FAM171A1: variants seen among roughly 807,000 people sequenced by gnomAD.
FAM171A1 encodes protein FAM171A1.
A neutral mutation model predicts 74.9 loss-of-function variants in FAM171A1; 23 were observed. That is an observed-to-expected ratio of 0.31 (90% CI 0.22 to 0.44). FAM171A1 has a LOEUF of 0.44. Ranked by LOEUF, FAM171A1 falls within the 20% of genes least tolerant of loss-of-function variation. The pLI, the probability that FAM171A1 is intolerant of heterozygous loss-of-function variation, is 1.00. For synonymous variants in FAM171A1, 527 were observed against 505.7 expected (o/e 1.04, Z -0.57); for missense variants, 1,162 against 1,159.2 (o/e 1.00, Z -0.03).
At chr10:15,244,447 A>G (rs1466179324) in intron 5 of FAM171A1, among the ~76,000 whole-genome samples, 2 of 152,208 alleles carry the variant, frequency 1.3e-5, no homozygotes, top group Non-Finnish European at 2.9e-5. Context: ...TCAGCTCTTG[A>G]GATAGAGACT....
chr10:15,301,362 ATTT>A (rs71390027), intron 1 of FAM171A1, among the ~76,000 whole-genome samples: 228 of 141,560 alleles, frequency 1.6e-3, no homozygotes, highest in African/African-American at 5.2e-3. Flanking sequence ...ATATATATAT[ATTT>A]TTTTTTTTTG....
intron 3 of FAM171A1, among the ~76,000 whole-genome samples, chr10:15,264,517 A>G (rs1230833784): frequency 1.3e-5 from 2 of 152,298 alleles, no homozygotes; most frequent in Middle Eastern, 3.4e-3. Flanking sequence ...TAGACAATAC[A>G]AATACATCGG....
In FAM171A1 at chr10:15,218,426, C is replaced by T. The variant is rs77471491; in HGVS notation, c.872-2316G>A. ...CCAGTACGATTCTTTATAAAATTCACAGCTATACTTCACTTCAAGGAGTTA... is the reference window on the plus strand; with the variant it reads ...CCAGTACGATTCTTTATAAAATTCATAGCTATACTTCACTTCAAGGAGTTA... On this transcript the variant is annotated intron_variant, in intron 6 of 7. Coordinates refer to ENST00000378116, the MANE Select transcript of FAM171A1 (RefSeq NM_001010924.2). Among the ~76,000 whole-genome samples the T allele has an allele frequency of 4.6e-5, 7 of 152,266 alleles. 1 individual carries two copies. The East Asian group carries it at 1.3e-3, about 29-fold the overall frequency.
chr10:15,332,157 T>C (rs919264237), intron 1 of FAM171A1, among the ~76,000 whole-genome samples: 1 of 151,802 alleles, frequency 6.6e-6, no homozygotes, highest in Non-Finnish European at 1.5e-5. Flanking sequence ...TTTTGCAACA[T>C]GTTGCCCAGG....
chr10:15,243,805 A>G (rs1021683665), intron 5 of FAM171A1, among the ~76,000 whole-genome samples: 1 of 15,406 alleles, frequency 6.5e-5, no homozygotes, highest in African/African-American at 1.7e-4. Context: ...CAATGTATAC[A>G]TTGACTGAGC....
intron 1 of FAM171A1, among the ~76,000 whole-genome samples, chr10:15,352,612 T>C (rs1353141140): frequency 1.3e-5 from 2 of 152,192 alleles, no homozygotes; most frequent in African/African-American, 4.8e-5. Context: ...AAGTTTTAAA[T>C]AAAGGCAAAT....
At chr10:15,333,413 T>C (rs564875484) in intron 1 of FAM171A1, among the ~76,000 whole-genome samples, 3 of 152,236 alleles carry the variant, frequency 2.0e-5, no homozygotes, top group South Asian at 2.1e-4. Flanking sequence ...GACAGGAGAA[T>C]TGCCTGAACC....
At chr10:15,275,762 T>C in intron 3 of FAM171A1, 93 bp downstream of exon 3, 1 of 800,210 alleles carries the variant, frequency 1.2e-6, no homozygotes, top group Non-Finnish European at 1.9e-6. Flanking sequence ...CCACCTTGTA[T>C]ACAAACATCA....
rs77857897 is a variant in FAM171A1, at chr10:15,366,357, C to T, written c.97+4599G>A. On this transcript the variant is annotated intron_variant, in intron 1 of 7. Transcript: ENST00000378116. ...CTGGTCTTGAACTTCTGACCTCAAG[C>T]GATCCACCCACCTCAGCTTCCCAAA... is the stretch of plus-strand genomic sequence containing the variant. Among the ~76,000 whole-genome samples the T allele has an allele frequency of 5.7e-3, 866 of 152,260 alleles. 37 individuals are homozygous for T. In the East Asian group the frequency reaches 0.099, roughly 17 times the overall value.
chr10:15,242,420 T>C (rs967033012), intron 5 of FAM171A1, among the ~76,000 whole-genome samples: 1 of 152,250 alleles, frequency 6.6e-6, no homozygotes, highest in African/African-American at 2.4e-5. Context: ...ACGTTGGCTT[T>C]TTTCTGCATA....
At chr10:15,282,575 GAAC>G (rs1332529503) in intron 2 of FAM171A1, among the ~76,000 whole-genome samples, 2 of 152,154 alleles carry the variant, frequency 1.3e-5, no homozygotes, top group Non-Finnish European at 2.9e-5. Flanking sequence ...TAACTACTGT[GAAC>G]AACGACAATT....
At chr10:15,342,618 G>T (rs1425217108) in intron 1 of FAM171A1, among the ~76,000 whole-genome samples, 1 of 152,110 alleles carries the variant, frequency 6.6e-6, no homozygotes, top group Non-Finnish European at 1.5e-5. Flanking sequence ...GCTGCAACAG[G>T]CTTCTGTCAG....
intron 1 of FAM171A1, among the ~76,000 whole-genome samples, chr10:15,327,905 C>A (rs1835575520): frequency 6.7e-6 from 1 of 148,946 alleles, no homozygotes; most frequent in African/African-American, 2.5e-5. Flanking sequence ...TATCACAAAC[C>A]TGTACATGTA....
At chr10:15,373,658 G>A (rs898693527), upstream of FAM171A1, among the ~76,000 whole-genome samples, 1 of 152,158 alleles carries the variant, frequency 6.6e-6, no homozygotes, top group African/African-American at 2.4e-5. Flanking sequence ...GAAGCTGGGA[G>A]AAGGATAGAT....
chr10:15,373,904 A>T (rs1836176320), upstream of FAM171A1, among the ~76,000 whole-genome samples: 1 of 152,146 alleles, frequency 6.6e-6, no homozygotes, highest in African/African-American at 2.4e-5. Flanking sequence ...AGCTTGTCCA[A>T]CCTGCCTTAT....
At chr10:15,295,581 CCTTTT>C (rs1389617128) in intron 1 of FAM171A1, among the ~76,000 whole-genome samples, 1 of 152,082 alleles carries the variant, frequency 6.6e-6, no homozygotes, top group African/African-American at 2.4e-5. Flanking sequence ...CTTTTCATTC[CCTTTT>C]CTATTTCCTC....
intron 1 of FAM171A1, among the ~76,000 whole-genome samples, chr10:15,336,015 A>G (rs1835695427): frequency 6.6e-6 from 1 of 152,190 alleles, no homozygotes; most frequent in Non-Finnish European, 1.5e-5. Flanking sequence ...TTTTAACCCA[A>G]TAATCAGGAA....
chr10:15,294,875 T>C (rs920012313), intron 1 of FAM171A1, among the ~76,000 whole-genome samples: 1 of 152,152 alleles, frequency 6.6e-6, no homozygotes, highest in Non-Finnish European at 1.5e-5. Flanking sequence ...GCCGACAAAC[T>C]TTGAGGGACC....
chr10:15,349,285 G>C (rs1835852238), intron 1 of FAM171A1, among the ~76,000 whole-genome samples: 1 of 152,206 alleles, frequency 6.6e-6, no homozygotes, highest in Non-Finnish European at 1.5e-5. Flanking sequence ...TGTCCACCTG[G>C]AACAGCAATC....
Sources: gnomAD v4.1 joint callset for allele counts (sites outside exome capture counted in the v4.1 genomes callset) on GRCh38, gnomAD v4.1.1 for gene constraint, MANE v1.5 for transcripts, NCBI Gene and HGNC (gene_info 2026-07-23, HGNC 2026-07-21) for gene names.